The following ANKRD55 variants were observed in gnomAD, a reference collection of about 807,000 sequenced individuals.
ANKRD55 encodes the protein ankyrin repeat domain-containing protein 55.
A neutral mutation model predicts 60.6 loss-of-function variants in ANKRD55; 41 were observed. The observed-to-expected ratio is 0.68, with a 90% CI of 0.53 to 0.88. The LOEUF (loss-of-function observed/expected upper bound fraction) is 0.88, where lower values mean the gene tolerates loss of function less well. Among genes scored for constraint, ANKRD55 ranks in the 40% least tolerant of loss-of-function variants. The pLI is 0.00. For missense variants in ANKRD55, 732 were observed against 767.6 expected (o/e 0.95, Z 0.55); for synonymous variants, 264 against 290.3 (o/e 0.91, Z 0.92).
intron 2 of ANKRD55, among the ~76,000 whole-genome samples, chr5:56,192,131 C>G (rs879609982): frequency 6.6e-6 from 1 of 152,196 alleles, no homozygotes; most frequent in Non-Finnish European, 1.5e-5. Flanking sequence ...CTCTCTCTCT[C>G]TCTTTCTCAT....
At chr5:56,121,220 G>A (rs948309171) in intron 8 of ANKRD55, among the ~76,000 whole-genome samples, 8 of 152,052 alleles carry the variant, frequency 5.3e-5, no homozygotes, top group Admixed American at 3.9e-4. Context: ...AAGTGGGGTG[G>A]GGGGCTTTAA....
chr5:56,214,973 T>C (rs972576254), intron 2 of ANKRD55, among the ~76,000 whole-genome samples: 2 of 152,344 alleles, frequency 1.3e-5, no homozygotes, highest in African/African-American at 4.8e-5. Flanking sequence ...TTTTTTAAAA[T>C]AGCAGACTGT....
intron 2 of ANKRD55, among the ~76,000 whole-genome samples, chr5:56,227,628 T>A (rs538034770): frequency 1.3e-5 from 2 of 151,882 alleles, no homozygotes; most frequent in Admixed American, 6.6e-5. Context: ...TTTTTTTTTT[T>A]TTATTAAACC....
chr5:56,127,230 G>T (rs945899088), intron 7 of ANKRD55, 124 bp from the exon 8 acceptor site: 5 of 1,311,490 alleles, frequency 3.8e-6, no homozygotes, highest in Non-Finnish European at 3.9e-6. Context: ...AAGATGAAAA[G>T]AGAAAAGGAA....
intron 7 of ANKRD55, chr5:56,137,063 A>T (rs1757623529): frequency 1.2e-6 from 1 of 820,036 alleles, no homozygotes. Flanking sequence ...CTTTACGAAC[A>T]CTTGTGAAAT....
chr5:56,169,102 C>T (rs1361774091), intron 5 of ANKRD55, among the ~76,000 whole-genome samples: 4 of 152,224 alleles, frequency 2.6e-5, no homozygotes, highest in Admixed American at 2.6e-4. Flanking sequence ...GGTTATCCAT[C>T]TGCCTCGGCC....
At chr5:56,199,360 A>G (rs1316929854) in intron 2 of ANKRD55, among the ~76,000 whole-genome samples, 2 of 152,136 alleles carry the variant, frequency 1.3e-5, no homozygotes, top group South Asian at 2.1e-4. Flanking sequence ...CTTACTGCTG[A>G]GCAGTGTGTT....
Position 56,163,410 on chromosome 5 carries a change from C to T in ANKRD55, c.423-3517G>A, listed in dbSNP as rs535630125. ...TTGCAGCCCTCTGTTGTGCTTCCCC[C>T]GAGCTCTCATTTTGTGTTACCATGG... On this transcript the variant is annotated intron_variant, in intron 5 of 11. Coordinates refer to ENST00000341048, the MANE Select transcript of ANKRD55 (RefSeq NM_024669.3). Among the ~76,000 whole-genome samples the T allele has an allele frequency of 3.3e-5, 5 of 152,256 alleles. No homozygotes were observed. The East Asian group carries it at 7.7e-4, about 24-fold the overall frequency.
At chr5:56,123,611 A>G (rs768700331) in intron 8 of ANKRD55, among the ~76,000 whole-genome samples, 1 of 152,084 alleles carries the variant, frequency 6.6e-6, no homozygotes, top group Non-Finnish European at 1.5e-5. Context: ...AATTCAGCAG[A>G]TGGAGGGCTG....
intron 10 of ANKRD55, among the ~76,000 whole-genome samples, chr5:56,105,813 T>C (rs1334855708): frequency 6.6e-6 from 1 of 152,204 alleles, no homozygotes; most frequent in African/African-American, 2.4e-5. Flanking sequence ...GAGTGCATTG[T>C]TGGCTGAGAT....
chr5:56,232,207 TATAAGG>T (rs1581037796), intron 2 of ANKRD55, among the ~76,000 whole-genome samples: 3 of 152,344 alleles, frequency 2.0e-5, no homozygotes. Flanking sequence ...TATGTGATAT[TATAAGG>T]ATAAGTTGAT....
In ANKRD55 at chr5:56,174,037, C is replaced by T. The variant is rs531958922; in HGVS notation, c.312+2115G>A. 3.3e-5 allele frequency among the ~76,000 whole-genome samples: 5 copies of T among 152,226 alleles called. No homozygotes were observed. In the South Asian group the frequency reaches 8.3e-4, roughly 25 times the overall value. ...TGCAGTCCCCAGGACAACTGCTTCCCGTGAGCCCCAGCAGAACAATGGAGG... is the reference window on the plus strand; with the variant it reads ...TGCAGTCCCCAGGACAACTGCTTCCTGTGAGCCCCAGCAGAACAATGGAGG... On this transcript the variant is annotated intron_variant, in intron 4 of 11. Transcript: ENST00000341048.
chr5:56,129,942 T>A (rs1757366855), intron 7 of ANKRD55, among the ~76,000 whole-genome samples: 1 of 152,152 alleles, frequency 6.6e-6, no homozygotes, highest in South Asian at 2.1e-4. Context: ...TAGACTAGAA[T>A]GGAGACAAAA....
intron 9 of ANKRD55, among the ~76,000 whole-genome samples, chr5:56,115,626 G>A (rs1157047481): frequency 6.6e-6 from 1 of 152,008 alleles, no homozygotes; most frequent in Non-Finnish European, 1.5e-5. Flanking sequence ...CCAGCCCGCA[G>A]CTGTATTCTA....
chr5:56,223,032 A>G (rs1275197361), intron 2 of ANKRD55, among the ~76,000 whole-genome samples: 2 of 152,180 alleles, frequency 1.3e-5, no homozygotes, highest in Non-Finnish European at 2.9e-5. Context: ...AAGAAGACCA[A>G]CTCCAAGACA....
intron 2 of ANKRD55, among the ~76,000 whole-genome samples, chr5:56,215,797 G>A (rs954218119): frequency 6.6e-6 from 1 of 152,152 alleles, no homozygotes; most frequent in Non-Finnish European, 1.5e-5. Flanking sequence ...TAGGAAGAAA[G>A]AGCATAGCAC....
At chr5:56,153,560 C>T (rs911064735) in intron 6 of ANKRD55, among the ~76,000 whole-genome samples, 1 of 151,886 alleles carries the variant, frequency 6.6e-6, no homozygotes, top group Non-Finnish European at 1.5e-5. Context: ...GAGCCACAGG[C>T]TGGGTGCCGT....
intron 7 of ANKRD55, among the ~76,000 whole-genome samples, chr5:56,136,331 G>A (rs1054762561): frequency 1.3e-5 from 2 of 152,192 alleles, no homozygotes; most frequent in African/African-American, 2.4e-5. Flanking sequence ...AAAGTTGGGT[G>A]ACTGACACTA....
intron 2 of ANKRD55, among the ~76,000 whole-genome samples, chr5:56,219,923 A>G (rs1010552720): frequency 2.0e-5 from 3 of 152,266 alleles, no homozygotes; most frequent in Admixed American, 2.0e-4. Context: ...TCAAAGGGAA[A>G]ATCCATGAAT....
Sources: gnomAD v4.1 joint callset for allele counts (sites outside exome capture counted in the v4.1 genomes callset) on GRCh38, gnomAD v4.1.1 for gene constraint, MANE v1.5 for transcripts, NCBI Gene and HGNC (gene_info 2026-07-23, HGNC 2026-07-21) for gene names.